Variants in PEPD observed in about 807,000 individuals in gnomAD.
The protein encoded by PEPD is xaa-Pro dipeptidase.
A neutral mutation model predicts 60.7 loss-of-function variants in PEPD; 53 were observed. The ratio of observed to expected loss-of-function variants is 0.87; its 90% CI spans 0.70 to 1.10. The LOEUF (loss-of-function observed/expected upper bound fraction) is 1.10, where lower values mean the gene tolerates loss of function less well. Among genes scored for constraint, PEPD ranks in the 50% least tolerant of loss-of-function variants. The pLI is 0.00. For synonymous variants in PEPD, 267 were observed against 284.1 expected (o/e 0.94, Z 0.60); for missense variants, 711 against 711.9 (o/e 1.00, Z 0.01).
chr19:33,506,723 C>T (rs555447450), intron 3 of PEPD, among the ~76,000 whole-genome samples: 2 of 148,384 alleles, frequency 1.3e-5, no homozygotes, highest in Non-Finnish European at 3.0e-5. Flanking sequence ...ACTCCCATCA[C>T]AACCTACATA....
intron 3 of PEPD, among the ~76,000 whole-genome samples, chr19:33,507,697 C>G (rs1040550628): frequency 2.6e-5 from 4 of 152,196 alleles, no homozygotes; most frequent in Non-Finnish European, 4.4e-5. Flanking sequence ...AGCCTCGCTC[C>G]TGGTGCCCTA....
At chr19:33,391,606 G>A in intron 12 of PEPD, 127 bp from the exon 13 acceptor site, 5 of 870,394 alleles carry the variant, frequency 5.7e-6, no homozygotes, top group Non-Finnish European at 7.4e-6. Context: ...GGGTGAGGGG[G>A]CAAGGGTACT....
At chr19:33,510,879 CTG>C in intron 3 of PEPD, 147 bp downstream of exon 3, 4 of 790,788 alleles carry the variant, frequency 5.1e-6, no homozygotes, top group Non-Finnish European at 8.4e-6. Flanking sequence ...GAGAGGCAGG[CTG>C]TGACAGCCCT....
intron 7 of PEPD, among the ~76,000 whole-genome samples, chr19:33,465,245 A>G (rs1969998774): frequency 6.6e-6 from 1 of 152,148 alleles, no homozygotes; most frequent in Non-Finnish European, 1.5e-5. Flanking sequence ...GAATGCTCTG[A>G]TGTCCTTAGG....
At chr19:33,393,248 GGTCTGGC>G (rs1568446666) in intron 12 of PEPD, among the ~76,000 whole-genome samples, 2 of 121,618 alleles carry the variant, frequency 1.6e-5, no homozygotes, top group African/African-American at 3.3e-5. Context: ...TGGGGTCTGG[GGTCTGGC>G]GTGGGGGAGG....
intron 9 of PEPD, among the ~76,000 whole-genome samples, chr19:33,422,208 A>G (rs956539335): frequency 6.6e-6 from 1 of 151,964 alleles, no homozygotes; most frequent in Non-Finnish European, 1.5e-5. Context: ...AAGCCACAGC[A>G]TGCTCTCTCT....
chr19:33,453,217 G>C (rs960262816), intron 9 of PEPD, among the ~76,000 whole-genome samples: 5 of 152,126 alleles, frequency 3.3e-5, no homozygotes, highest in African/African-American at 1.2e-4. Flanking sequence ...CAGAGGCTGA[G>C]GGGGGAAGGT....
intron 9 of PEPD, among the ~76,000 whole-genome samples, chr19:33,427,025 C>T (rs1429505849): frequency 2.6e-5 from 4 of 152,366 alleles, no homozygotes; most frequent in Non-Finnish European, 5.9e-5. Flanking sequence ...GCCGACAACC[C>T]CTCTTCTAAT....
intron 9 of PEPD, among the ~76,000 whole-genome samples, chr19:33,425,433 G>A (rs1250153705): frequency 6.6e-6 from 1 of 152,204 alleles, no homozygotes; most frequent in Non-Finnish European, 1.5e-5. Context: ...GAAGGTGTGG[G>A]GGAAGCAAGC....
intron 9 of PEPD, among the ~76,000 whole-genome samples, chr19:33,430,753 A>G (rs1185199905): frequency 6.6e-6 from 1 of 152,098 alleles, no homozygotes; most frequent in African/African-American, 2.4e-5. Context: ...CACTGGCCCC[A>G]GGGGGCTTCT....
At position 33,426,360 on chromosome 19, in the gene PEPD, T is replaced by A. The variant is rs372626013; in HGVS notation, c.672-12717A>T. 3.9e-5 allele frequency among the ~76,000 whole-genome samples: 6 copies of A among 152,264 alleles called. No individual in the cohort carries two copies. The East Asian group carries it at 7.7e-4, about 20-fold the overall frequency. On this transcript the variant is annotated intron_variant, in intron 9 of 14. Coordinates refer to ENST00000244137, the MANE Select transcript of PEPD (RefSeq NM_000285.4). The stretch of plus-strand genomic sequence containing the variant: ...TATTTCTAAACATCAAATTGCTTTT[T>A]CAGCCTTACAATCTGAAAATACTTC...
intron 6 of PEPD, among the ~76,000 whole-genome samples, chr19:33,488,291 C>T (rs1970434125): frequency 6.6e-6 from 1 of 152,110 alleles, no homozygotes; most frequent in Non-Finnish European, 1.5e-5. Flanking sequence ...GTGCCAGGCT[C>T]CAGGTGAGCA....
chr19:33,392,111 G>A (rs1396638124), intron 12 of PEPD, among the ~76,000 whole-genome samples: 3 of 152,232 alleles, frequency 2.0e-5, no homozygotes, highest in East Asian at 1.9e-4. Flanking sequence ...GCAGGGGTTC[G>A]GGGCCCCGCC....
intron 7 of PEPD, among the ~76,000 whole-genome samples, chr19:33,475,931 C>T (rs891045687): frequency 1.1e-4 from 16 of 152,194 alleles, no homozygotes; most frequent in South Asian, 1.0e-3. Context: ...ATAATCATGG[C>T]TCACTGCAGC....
chr19:33,455,851 A>C (rs1431880162), intron 9 of PEPD, among the ~76,000 whole-genome samples: 2 of 152,076 alleles, frequency 1.3e-5, no homozygotes, highest in Admixed American at 1.3e-4. Flanking sequence ...ACACTAGAGG[A>C]AAATCCATAA....
chr19:33,424,172 GC>G (rs1359063945), intron 9 of PEPD, among the ~76,000 whole-genome samples: 2 of 152,160 alleles, frequency 1.3e-5, no homozygotes, highest in African/African-American at 2.4e-5. Context: ...CAAGCAGCTG[GC>G]CCTGTAGTGA....
intron 12 of PEPD, among the ~76,000 whole-genome samples, chr19:33,394,900 C>T (rs1428064146): frequency 6.6e-6 from 1 of 152,230 alleles, no homozygotes; most frequent in Non-Finnish European, 1.5e-5. Context: ...TGCCCCACCC[C>T]TCCTGGAGTC....
intron 9 of PEPD, among the ~76,000 whole-genome samples, chr19:33,427,923 C>G (rs1969185203): frequency 6.6e-6 from 1 of 152,170 alleles, no homozygotes; most frequent in Non-Finnish European, 1.5e-5. Context: ...TCCCGGAGAT[C>G]CGTGCAGCAG....
chr19:33,442,928 C>T (rs893765418), intron 9 of PEPD, among the ~76,000 whole-genome samples: 8 of 152,238 alleles, frequency 5.3e-5, no homozygotes, highest in Admixed American at 1.3e-4. Flanking sequence ...CTGTGCTCCA[C>T]GGGGGCTGGG....
Sources: gnomAD v4.1 joint callset for allele counts (sites outside exome capture counted in the v4.1 genomes callset) on GRCh38, gnomAD v4.1.1 for gene constraint, MANE v1.5 for transcripts, NCBI Gene and HGNC (gene_info 2026-07-23, HGNC 2026-07-21) for gene names.